MKLN1: variants seen among roughly 807,000 people sequenced by gnomAD.
MKLN1 encodes the protein muskelin 1, also known as muskelin.
Under a neutral mutation model 99.0 loss-of-function variants are expected in MKLN1, and 18 were observed. The ratio of observed to expected loss-of-function variants is 0.18; its 90% CI spans 0.13 to 0.27. MKLN1 has a LOEUF of 0.27. Ranked by LOEUF, MKLN1 falls within the 10% of genes least tolerant of loss-of-function variation. The probability of loss-of-function intolerance (pLI) is 1.00; values close to 1 mark genes in which losing one functional copy is unlikely to be tolerated. For missense variants in MKLN1, 621 were observed against 875.9 expected (o/e 0.71, Z 3.67); for synonymous variants, 288 against 293.2 (o/e 0.98, Z 0.18).
intron 1 of MKLN1, among the ~76,000 whole-genome samples, chr7:131,364,704 CCACTTATAAATGAGAACATACGGT>C: frequency 6.6e-6 from 1 of 152,082 alleles, no homozygotes; most frequent in Admixed American, 6.6e-5. Flanking sequence ...GATTTAGCTC[CCACTTATAAATGAGAACATACGGT>C]AGTTGTGCTG....
intron 3 of MKLN1, among the ~76,000 whole-genome samples, chr7:131,222,196 T>A (rs1238713763): frequency 1.3e-5 from 2 of 152,342 alleles, no homozygotes; most frequent in African/African-American, 4.8e-5. Context: ...CCTCTAAGTA[T>A]TTTTAAATAT....
intron 5 of MKLN1, 32 bp downstream of exon 5, chr7:131,397,408 G>T: frequency 8.9e-7 from 1 of 1,121,386 alleles, no homozygotes; most frequent in Non-Finnish European, 1.3e-6. Context: ...TGACTTTAAT[G>T]CCTATAAAAG....
chr7:131,326,773 A>C (rs955822404), upstream of MKLN1: 3 of 152,240 alleles, frequency 2.0e-5, no homozygotes, highest in African/African-American at 7.2e-5. Context: ...TACAACGGGA[A>C]GAGAATACAA....
chr7:131,345,664 T>C (rs1799538346), intron 1 of MKLN1, among the ~76,000 whole-genome samples: 1 of 152,108 alleles, frequency 6.6e-6, no homozygotes, highest in South Asian at 2.1e-4. Context: ...CAGTGAGCTA[T>C]GTTCATGCCA....
chr7:131,374,876 T>C (rs1367463948), intron 1 of MKLN1, among the ~76,000 whole-genome samples: 2 of 151,988 alleles, frequency 1.3e-5, no homozygotes, highest in African/African-American at 2.4e-5. Context: ...GCATGCTACA[T>C]GTAATATGTA....
At chr7:131,336,376 T>A (rs1346707158) in intron 1 of MKLN1, among the ~76,000 whole-genome samples, 3 of 152,060 alleles carry the variant, frequency 2.0e-5, no homozygotes, top group Non-Finnish European at 2.9e-5. Context: ...AGATTTTTGT[T>A]TGCCTGTTTT....
At chr7:131,428,949 G>T in intron 8 of MKLN1, 84 bp from the exon 9 acceptor site, 2 of 950,400 alleles carry the variant, frequency 2.1e-6, no homozygotes, top group Non-Finnish European at 1.6e-6. Context: ...CTTCTTAAGT[G>T]GCCTTAGAAA....
rs144034835 is a variant in MKLN1, at chr7:131,467,312, G to A, written c.1928+897G>A. On this transcript the variant is annotated intron_variant, in intron 15 of 17. Coordinates refer to ENST00000352689, the MANE Select transcript of MKLN1 (RefSeq NM_013255.5). ...AACAAAAATCTGCCCTCAAGTGTCC[G>A]TTCTTAAGAAGGGAGACTAACAATA... 7.9e-5 allele frequency among the ~76,000 whole-genome samples: 12 copies of A among 152,216 alleles called. No homozygotes were observed. In the East Asian group the frequency reaches 9.6e-4, roughly 12 times the overall value.
At chr7:131,281,064 AT>A (rs1456809444) in intron 3 of MKLN1, among the ~76,000 whole-genome samples, 1 of 151,874 alleles carries the variant, frequency 6.6e-6, no homozygotes, top group Non-Finnish European at 1.5e-5. Context: ...CAATTTATCT[AT>A]TTTTTTCTTT....
intron 1 of MKLN1, among the ~76,000 whole-genome samples, chr7:131,133,111 A>G (rs1472394181): frequency 2.0e-5 from 3 of 151,646 alleles, no homozygotes; most frequent in Non-Finnish European, 4.4e-5. Flanking sequence ...CAAAAGCCCA[A>G]CCAGCTGTCT....
At chr7:131,239,720 TG>T in intron 3 of MKLN1, among the ~76,000 whole-genome samples, 1 of 152,304 alleles carries the variant, frequency 6.6e-6, no homozygotes, top group Admixed American at 6.5e-5. Flanking sequence ...TTGGATACGG[TG>T]GCTCATCCCT....
chr7:131,385,626 T>C (rs1793990208), intron 2 of MKLN1, among the ~76,000 whole-genome samples: 1 of 152,198 alleles, frequency 6.6e-6, no homozygotes, highest in African/African-American at 2.4e-5. Context: ...CTAATGATGT[T>C]AAGCATCTTT....
chr7:131,480,963 T>C (rs1282903530), intron 17 of MKLN1, among the ~76,000 whole-genome samples: 1 of 152,250 alleles, frequency 6.6e-6, no homozygotes, highest in African/African-American at 2.4e-5. Flanking sequence ...ATATTTTACC[T>C]TCAGCTTAAC....
intron 3 of MKLN1, among the ~76,000 whole-genome samples, chr7:131,206,474 CT>C (rs1390222505): frequency 1.3e-5 from 2 of 151,352 alleles, no homozygotes; most frequent in Non-Finnish European, 2.9e-5. Context: ...ATTTCCTTCC[CT>C]TTTTTGTGTT....
At chr7:131,147,962 A>G (rs1390043628) in intron 2 of MKLN1, among the ~76,000 whole-genome samples, 1 of 152,146 alleles carries the variant, frequency 6.6e-6, no homozygotes, top group Admixed American at 6.6e-5. Flanking sequence ...ACATGCATGA[A>G]CTTAAGCACT....
intron 3 of MKLN1, among the ~76,000 whole-genome samples, chr7:131,216,387 C>T (rs187438136): frequency 6.7e-6 from 1 of 148,780 alleles, no homozygotes; most frequent in Admixed American, 6.7e-5. Flanking sequence ...TGCGCCACTG[C>T]ACTCCAGCCT....
chr7:131,174,754 G>A (rs1383661677), intron 2 of MKLN1, among the ~76,000 whole-genome samples: 1 of 152,130 alleles, frequency 6.6e-6, no homozygotes, highest in African/African-American at 2.4e-5. Flanking sequence ...ATCTTGATGA[G>A]AATTGATAAT....
At chr7:131,471,147 C>G (rs1240454911) in intron 16 of MKLN1, 1 of 466,896 alleles carries the variant, frequency 2.1e-6, no homozygotes, top group African/African-American at 2.0e-5. Context: ...TCACCAAAAA[C>G]CCTTGGTCCA....
intron 1 of MKLN1, among the ~76,000 whole-genome samples, chr7:131,114,364 A>G (rs1795243156): frequency 6.6e-6 from 1 of 152,192 alleles, no homozygotes; most frequent in Non-Finnish European, 1.5e-5. Context: ...GCTGTCTACT[A>G]CATAATTGAA....
Sources: allele counts gnomAD v4.1 joint callset (sites outside exome capture counted in the v4.1 genomes callset), GRCh38; gene constraint gnomAD v4.1.1; transcripts MANE v1.5; gene names NCBI Gene and HGNC (gene_info 2026-07-23, HGNC 2026-07-21).